SYT11: variants seen among roughly 807,000 people sequenced by gnomAD.
The protein encoded by SYT11 is synaptotagmin-11.
A neutral mutation model predicts 30.4 loss-of-function variants in SYT11; 12 were observed. That is an observed-to-expected ratio of 0.39 (90% CI 0.25 to 0.64). SYT11 has a LOEUF of 0.64. Ranked by LOEUF, SYT11 falls within the 30% of genes least tolerant of loss-of-function variation. The pLI, the probability that SYT11 is intolerant of heterozygous loss-of-function variation, is 0.45. For synonymous variants in SYT11, 204 were observed against 216.0 expected, an observed-to-expected ratio of 0.94 and a Z score of 0.49; for missense variants, 412 against 552.0, an observed-to-expected ratio of 0.75 and a Z score of 2.54.
intron 1 of SYT11, among the ~76,000 whole-genome samples, chr1:155,865,089 G>A (rs928237271): frequency 2.0e-5 from 3 of 152,108 alleles, no homozygotes; most frequent in African/African-American, 7.2e-5. Context: ...ACTACATGCC[G>A]CATAGTTCTA....
At chr1:155,865,858 T>C (rs1672663813) in intron 1 of SYT11, among the ~76,000 whole-genome samples, 1 of 151,948 alleles carries the variant, frequency 6.6e-6, no homozygotes, top group Admixed American at 6.6e-5. Flanking sequence ...TTGTAATTTT[T>C]TTGTGTAGAG....
intron 1 of SYT11, among the ~76,000 whole-genome samples, chr1:155,866,967 T>TAC (rs60368180): frequency 4.7e-4 from 69 of 146,684 alleles, no homozygotes; most frequent in South Asian, 3.6e-3. Context: ...TATATACACA[T>TAC]ACACACACAC....
intron 2 of SYT11, among the ~76,000 whole-genome samples, chr1:155,873,267 A>C (rs986438875): frequency 7.2e-5 from 11 of 152,122 alleles, no homozygotes; most frequent in African/African-American, 2.7e-4. Flanking sequence ...TTCTACTAAA[A>C]ATACAAAAAT....
At position 155,878,578 on chromosome 1, in the gene SYT11, C is replaced by G. The variant is rs933156257; in HGVS notation, c.862-1922C>G. Among the ~76,000 whole-genome samples the G allele has an allele frequency of 3.3e-5, 5 of 152,172 alleles. No individual in the cohort carries two copies. In the South Asian group the frequency reaches 8.3e-4, roughly 25 times the overall value. ...TCAGCTGGTAAAGCCTTCCCTGAAT[C>G]TCCATGGCCGGGCGCGGTGGCTCAC... On this transcript the variant is annotated intron_variant, in intron 2 of 3. Transcript: ENST00000368324.
intron 2 of SYT11, among the ~76,000 whole-genome samples, chr1:155,869,241 G>A (rs1274947013): frequency 7.1e-6 from 1 of 141,138 alleles, no homozygotes; most frequent in African/African-American, 2.6e-5. Flanking sequence ...ACCTAGGGGT[G>A]TAAATGATAC....
At chr1:155,861,691 C>G (rs1050877938) in intron 1 of SYT11, among the ~76,000 whole-genome samples, 1 of 152,012 alleles carries the variant, frequency 6.6e-6, no homozygotes, top group African/African-American at 2.4e-5. Context: ...TGATCTTGGC[C>G]CACCACAACC....
chr1:155,863,091 T>C (rs1312012630), intron 1 of SYT11, among the ~76,000 whole-genome samples: 1 of 152,152 alleles, frequency 6.6e-6, no homozygotes, highest in Non-Finnish European at 1.5e-5. Context: ...ACACTATTAT[T>C]ATTCGGTATG....
chr1:155,881,589 T>C lies in SYT11; in HGVS notation c.*81T>C. 1 of 1,348,102 alleles carries C rather than the reference T, an allele frequency of 7.4e-7. No homozygotes were observed. Among genetic ancestry groups the C allele is most frequent in the Non-Finnish European group, 1.0e-6 (1 of 992,232 alleles). The allele number at this position is 1,348,102 out of a possible 1,614,324, so 83.5% of individuals were successfully genotyped here. On this transcript the variant is annotated 3_prime_UTR_variant, in exon 4 of 4. Coordinates refer to ENST00000368324, the MANE Select transcript of SYT11 (RefSeq NM_152280.5). ...GGAAAAAGATGACAGAGAAGTGGAC[T>C]CCAAACCTCATTTTAGTTGTAGAAG... is the stretch of plus-strand genomic sequence containing the variant.
chr1:155,876,429 G>T (rs1287414336), intron 2 of SYT11, among the ~76,000 whole-genome samples: 1 of 150,246 alleles, frequency 6.7e-6, no homozygotes, highest in Non-Finnish European at 1.5e-5. Context: ...TGTATTTTTA[G>T]TAGAGATGGG....
At chr1:155,871,551 C>G (rs201692716) in intron 2 of SYT11, among the ~76,000 whole-genome samples, 1 of 152,216 alleles carries the variant, frequency 6.6e-6, no homozygotes, top group Non-Finnish European at 1.5e-5. Context: ...GGGCTGGGAA[C>G]AAAACAGCCT....
chr1:155,872,685 C>T (rs1672798936), intron 2 of SYT11, among the ~76,000 whole-genome samples: 1 of 152,126 alleles, frequency 6.6e-6, no homozygotes, highest in Admixed American at 6.5e-5. Flanking sequence ...CCTTCAATGG[C>T]TCTTTCAAAA....
At position 155,881,271 on chromosome 1, in the gene SYT11, C is replaced by T; in HGVS notation, c.1059C>T (p.Cys353=). ...IAKKKTHVKK[C]TLNPIFNESF... is the part of the protein sequence containing the mutation. ...AGAAGAAAACCCATGTGAAGAAGTG[C>T]ACTTTGAACCCCATCTTCAATGAAT... Residue 353 remains cysteine (C), a synonymous_variant, in exon 4 of 4, where the codon TGC becomes TGT. Coordinates refer to ENST00000368324, the MANE Select transcript of SYT11 (RefSeq NM_152280.5). 6.2e-7 allele frequency: 1 copy of T among 1,614,202 alleles called. No homozygotes were observed. The highest frequency in any genetic ancestry group is 8.5e-7 in the Non-Finnish European group (1 of 1,180,030).
rs1346123969 is a variant in SYT11, at chr1:155,882,905, A to G, written c.*1397A>G. On this transcript the variant is annotated 3_prime_UTR_variant, in exon 4 of 4. Transcript: ENST00000368324. ...GTTGTAATGAGGTTAGCTTTGCTTC[A>G]TAAAACAGGGGCCCTCAGAAGTTCT... The G allele has an allele frequency of 3.3e-5, 5 of 152,346 alleles. No individual in the cohort carries two copies. The highest frequency in any genetic ancestry group is 9.7e-5 in the African/African-American group (4 of 41,450). The allele number at this position is 152,346 out of a possible 1,614,324, so 9.4% of individuals were successfully genotyped here.
intron 2 of SYT11, among the ~76,000 whole-genome samples, chr1:155,871,147 A>G (rs1672776003): frequency 6.6e-6 from 1 of 152,190 alleles, no homozygotes; most frequent in Non-Finnish European, 1.5e-5. Flanking sequence ...CCAGGATACA[A>G]TGAGACATCC....
chr1:155,864,975 T>G (rs1672646120), intron 1 of SYT11, among the ~76,000 whole-genome samples: 1 of 151,998 alleles, frequency 6.6e-6, no homozygotes. Flanking sequence ...CCTCCCAAAG[T>G]GCTGGGATTA....
chr1:155,868,692 G>C lies in SYT11; in HGVS notation c.762G>C (p.Arg254=). The C allele has an allele frequency of 1.9e-6, 3 of 1,614,222 alleles. No homozygotes were observed. Among genetic ancestry groups the C allele is most frequent in the Non-Finnish European group, 2.5e-6 (3 of 1,180,048 alleles). ...FLVLSFDRFS[R]DDVIGEVMVP... ...TCCTCAGCTTTGACCGCTTCTCTCG[G>C]GATGATGTCATTGGCGAGGTCATGG... The change falls in exon 2 of 4, where the codon CGG becomes CGC. Residue 254 remains arginine (R), a synonymous_variant. Coordinates refer to ENST00000368324, the MANE Select transcript of SYT11 (RefSeq NM_152280.5). The surrounding 1 kb of genome is among the most constrained non-coding windows in gnomAD (Gnocchi z 4.7).
rs1467827931 is a variant in SYT11 at position 155,884,441 on chromosome 1, T to C, written c.*2933T>C. ...CAGAAAAAGGCAAAGAGGCGGACAGTGCAGGGCTCCTCCCTCCTACCTCAG... is the reference window on the plus strand; with the variant it reads ...CAGAAAAAGGCAAAGAGGCGGACAGCGCAGGGCTCCTCCCTCCTACCTCAG... On this transcript the variant is annotated 3_prime_UTR_variant, in exon 4 of 4. Transcript: ENST00000368324. 1 of 152,850 alleles carries C rather than the reference T, an allele frequency of 6.5e-6. No individual in the cohort carries two copies. Among genetic ancestry groups the C allele is most frequent in the Non-Finnish European group, 1.5e-5 (1 of 68,094 alleles). 9.5% of individuals were successfully genotyped at this position (152,850 alleles called of 1,614,324 possible). A position where few individuals can be genotyped will look rare whatever the true frequency, so the allele number is the denominator to read the frequency against.
intron 3 of SYT11, among the ~76,000 whole-genome samples, 185 bp downstream of exon 3, chr1:155,880,808 C>A (rs1294395437): frequency 2.0e-5 from 3 of 152,200 alleles, no homozygotes; most frequent in Non-Finnish European, 4.4e-5. Flanking sequence ...TAGGAAGATT[C>A]TTCAGTTGAA....
Position 155,868,716 on chromosome 1 carries a change from G to C in SYT11, c.786G>C (p.Met262Ile), listed in dbSNP as rs1206795833. Residue 262 changes from methionine to isoleucine, a missense_variant, in exon 2 of 4, where the codon ATG becomes ATC. Transcript: ENST00000368324. The surrounding 1 kb of genome is among the most constrained non-coding windows in gnomAD (Gnocchi z 4.7). ...FSRDDVIGEV[M>I]VPLAGVDPST... ...GGGATGATGTCATTGGCGAGGTCATGGTGCCACTGGCAGGGGTGGACCCCA... is the reference window on the plus strand; with the variant it reads ...GGGATGATGTCATTGGCGAGGTCATCGTGCCACTGGCAGGGGTGGACCCCA... 1.2e-6 allele frequency: 2 copies of C among 1,614,238 alleles called. No homozygotes were observed. The highest frequency in any genetic ancestry group is 3.3e-5 in the Admixed American group (2 of 60,030).
Sources: gnomAD v4.1 joint callset for allele counts (sites outside exome capture counted in the v4.1 genomes callset) on GRCh38, gnomAD v4.1.1 for gene constraint, Gnocchi (gnomAD v3.1) non-coding constraint, MANE v1.5 for transcripts, NCBI Gene and HGNC (gene_info 2026-07-23, HGNC 2026-07-21) for gene names.